The following DNAAF9 variants were observed in gnomAD, a reference collection of about 807,000 sequenced individuals.
The protein encoded by DNAAF9 is shulin.
DNAAF9 carries 90 observed loss-of-function variants against 167.0 expected under a neutral mutation model. That is an observed-to-expected ratio of 0.54 (90% CI 0.45 to 0.64). DNAAF9 has a LOEUF of 0.64. Ranked by LOEUF, DNAAF9 falls within the 30% of genes least tolerant of loss-of-function variation. DNAAF9 has a pLI of 0.00. For synonymous variants in DNAAF9, 491 were observed against 508.8 expected, an observed-to-expected ratio of 0.96 and a Z score of 0.47; for missense variants, 1,315 against 1,442.2, an observed-to-expected ratio of 0.91 and a Z score of 1.43.
rs1430567883 is a variant in DNAAF9, at chr20:3,252,594, T to C, written c.3512A>G (p.Asp1171Gly). Residue 1171 changes from aspartate to glycine, a missense_variant, in exon 37 of 37, where the codon GAC becomes GGC. Around this residue, in one of 2 missense-constraint regions of DNAAF9, gnomAD observed 334 missense variants for 429.7 expected, o/e 0.78. Transcript: ENST00000252032. ...NQELEQQEYH[D>G]LFELKP ...CCTCTAGGGCTTCAGCTCAAAGAGG[T>C]CATGATACTCCTGCTGTTCCAGCTC... 1 of 1,605,754 alleles carries C rather than the reference T, an allele frequency of 6.2e-7. No homozygotes were observed. Among genetic ancestry groups the C allele is most frequent in the Non-Finnish European group, 8.5e-7 (1 of 1,172,472 alleles).
At chr20:3,398,327 A>G (rs892751326) in intron 1 of DNAAF9, among the ~76,000 whole-genome samples, 1 of 152,216 alleles carries the variant, frequency 6.6e-6, no homozygotes, top group East Asian at 1.9e-4. Flanking sequence ...AACTCTTCCT[A>G]TAAGTCTATC....
chr20:3,371,040 A>C (rs147706449), intron 6 of DNAAF9, among the ~76,000 whole-genome samples: 7 of 151,892 alleles, frequency 4.6e-5, no homozygotes, highest in Non-Finnish European at 1.0e-4. Flanking sequence ...TCTCCACTTC[A>C]TCATCTTCCT....
intron 30 of DNAAF9, 128 bp downstream of exon 30, chr20:3,270,299 C>T: frequency 1.2e-6 from 1 of 832,222 alleles, no homozygotes; most frequent in Non-Finnish European, 2.0e-6. Flanking sequence ...CGTGCCACCG[C>T]ACCTGGCTCA....
chr20:3,347,971 G>C (rs1388876887), intron 8 of DNAAF9, among the ~76,000 whole-genome samples: 2 of 152,106 alleles, frequency 1.3e-5, no homozygotes, highest in African/African-American at 4.8e-5. Flanking sequence ...CATACCATCA[G>C]CAGGAGGGCT....
At chr20:3,350,657 C>CA (rs2070305392) in intron 7 of DNAAF9, among the ~76,000 whole-genome samples, 1 of 152,118 alleles carries the variant, frequency 6.6e-6, no homozygotes, top group Non-Finnish European at 1.5e-5. Context: ...GAGTGGGTCT[C>CA]AGACAGGAAA....
Position 3,250,227 on chromosome 20 carries a change from C to T in DNAAF9, c.*2345G>A, listed in dbSNP as rs2068176551. ...GAAACAGCAGAAGACCCTGCTCCTCCCACCTGGAGCGCCGCCTGGAGGAAT... is the reference window on the plus strand; with the variant it reads ...GAAACAGCAGAAGACCCTGCTCCTCTCACCTGGAGCGCCGCCTGGAGGAAT... On this transcript the variant is annotated 3_prime_UTR_variant, in exon 37 of 37. Transcript: ENST00000252032. 1 of 152,276 alleles carries T rather than the reference C, an allele frequency of 6.6e-6. No individual in the cohort carries two copies. Among genetic ancestry groups the T allele is most frequent in the African/African-American group, 2.4e-5 (1 of 41,418 alleles). 9.4% of individuals were successfully genotyped at this position (152,276 alleles called of 1,614,324 possible).
At position 3,252,593 on chromosome 20, in the gene DNAAF9, G is replaced by A. The variant is rs1421369852; in HGVS notation, c.3513C>T (p.Asp1171=). 1.9e-6 allele frequency: 3 copies of A among 1,604,662 alleles called. 1 individual carries two copies. The highest frequency in any genetic ancestry group is 2.2e-5 in the South Asian group (2 of 90,914). Residue 1171 remains aspartate (D), a synonymous_variant, in exon 37 of 37, where the codon GAC becomes GAT. Transcript: ENST00000252032. The part of the protein sequence containing the change: ...NQELEQQEYH[D]LFELKP ...TCCTCTAGGGCTTCAGCTCAAAGAG[G>A]TCATGATACTCCTGCTGTTCCAGCT...
chr20:3,367,055 T>C (rs1407072979), intron 6 of DNAAF9, among the ~76,000 whole-genome samples: 2 of 152,256 alleles, frequency 1.3e-5, no homozygotes, highest in Non-Finnish European at 2.9e-5. Flanking sequence ...TCATCAACTA[T>C]CTGAGGCAGA....
chr20:3,361,462 A>T (rs2083364005), intron 6 of DNAAF9, among the ~76,000 whole-genome samples: 1 of 152,200 alleles, frequency 6.6e-6, no homozygotes, highest in South Asian at 2.1e-4. Context: ...CCCCCAGGCT[A>T]GACGGCTGTT....
intron 8 of DNAAF9, among the ~76,000 whole-genome samples, chr20:3,345,611 T>C (rs1478366262): frequency 6.6e-6 from 1 of 152,168 alleles, no homozygotes; most frequent in African/African-American, 2.4e-5. Flanking sequence ...AATGTAAAAA[T>C]TCAAGCCATA....
chr20:3,342,633 G>T (rs1029488910), intron 9 of DNAAF9, among the ~76,000 whole-genome samples: 4 of 152,064 alleles, frequency 2.6e-5, no homozygotes, highest in African/African-American at 9.7e-5. Flanking sequence ...GGCAAACAAG[G>T]CTTTTAAAAG....
At position 3,315,934 on chromosome 20, in the gene DNAAF9, C is replaced by T; in HGVS notation, c.1540-149G>A. On this transcript the variant is annotated intron_variant, in intron 18 of 36. Transcript: ENST00000252032. The surrounding 1 kb of genome is among the most constrained non-coding windows in gnomAD (Gnocchi z 4.1). ...CCAGTGCTCTCAGGCCCTGACACAC[C>T]TGAGATGTCTGCTGGTCACCTGGGC... 1.5e-6 allele frequency: 1 copy of T among 686,210 alleles called. No individual in the cohort carries two copies. Among genetic ancestry groups the T allele is most frequent in the Middle Eastern group, 2.6e-4 (1 of 3,826 alleles). 42.5% of individuals were successfully genotyped at this position (686,210 alleles called of 1,614,324 possible).
intron 23 of DNAAF9, among the ~76,000 whole-genome samples, chr20:3,295,335 A>G (rs575422756): frequency 4.7e-5 from 7 of 150,252 alleles, no homozygotes; most frequent in Non-Finnish European, 8.9e-5. Context: ...GCATATCACC[A>G]TGCCCGGATA....
At chr20:3,264,010 C>T (rs548322986) in intron 31 of DNAAF9, among the ~76,000 whole-genome samples, 15 of 152,312 alleles carry the variant, frequency 9.8e-5, no homozygotes, top group Admixed American at 2.0e-4. Context: ...TGTGCAGCAT[C>T]CTACAGAGAA....
chr20:3,368,898 C>T (rs1464707556), intron 6 of DNAAF9, among the ~76,000 whole-genome samples: 1 of 108 alleles, frequency 9.3e-3, no homozygotes, highest in Non-Finnish European at 0.023. Context: ...TTTCAGAAGC[C>T]GAGAAGGCAG....
At chr20:3,345,432 C>G (rs750720695) in intron 8 of DNAAF9, among the ~76,000 whole-genome samples, 3 of 152,200 alleles carry the variant, frequency 2.0e-5, no homozygotes, top group Non-Finnish European at 2.9e-5. Context: ...CATTTCCTCT[C>G]TAGAGATGAG....
At chr20:3,259,792 CTCTG>C (rs2068348312) in intron 32 of DNAAF9, 126 bp downstream of exon 32, 3 of 684,162 alleles carry the variant, frequency 4.4e-6, no homozygotes. Context: ...CCTCAAATCC[CTCTG>C]TCTACTTTTG....
chr20:3,365,760 G>A (rs755380155), intron 6 of DNAAF9, among the ~76,000 whole-genome samples: 19 of 152,184 alleles, frequency 1.2e-4, no homozygotes, highest in Non-Finnish European at 2.6e-4. Context: ...CCATGCCACT[G>A]CTTTATTAAC....
At chr20:3,356,761 A>G (rs553618390) in intron 7 of DNAAF9, among the ~76,000 whole-genome samples, 1 of 152,294 alleles carries the variant, frequency 6.6e-6, no homozygotes, top group Admixed American at 6.5e-5. Context: ...GCAAGAGTAT[A>G]AGAGGCCAAG....
Sources: allele counts gnomAD v4.1 joint callset (sites outside exome capture counted in the v4.1 genomes callset), GRCh38; gene constraint gnomAD v4.1.1; regional missense constraint gnomAD v4.1.1; non-coding constraint Gnocchi (gnomAD v3.1); transcripts MANE v1.5; gene names NCBI Gene and HGNC (gene_info 2026-07-23, HGNC 2026-07-21).